The following ZNG1B variants were observed in gnomAD, a reference collection of about 807,000 sequenced individuals.
ZNG1B encodes Zn regulated GTPase metalloprotein activator 1B, also known as zinc-regulated GTPase metalloprotein activator 1B.
At chr2:113,438,163 T>G in the ZNG1B span, 2 of 1,555,394 alleles carry the variant, frequency 1.3e-6, no homozygotes, top group Non-Finnish European at 1.8e-6. Context: ...GGTCACTTGC[T>G]TCTCGTATGG....
chr2:113,473,776 T>G, the ZNG1B span, among the ~76,000 whole-genome samples: 1 of 148,456 alleles, frequency 6.7e-6, no homozygotes, highest in Admixed American at 6.8e-5. Context: ...TCTGTTTATA[T>G]GCTGGATTAC....
the ZNG1B span, chr2:113,465,687 C>T: frequency 1.1e-6 from 1 of 924,324 alleles, no homozygotes; most frequent in Non-Finnish European, 1.3e-6. Context: ...TTCTGTTTTC[C>T]ATTGAATGTT....
the ZNG1B span, chr2:113,469,270 G>A: frequency 6.6e-6 from 1 of 151,930 alleles, no homozygotes. Flanking sequence ...CACCCTCCGG[G>A]TAGCTGGGAT....
the ZNG1B span, among the ~76,000 whole-genome samples, chr2:113,488,233 G>A: frequency 3.3e-5 from 5 of 152,200 alleles, no homozygotes; most frequent in Non-Finnish European, 5.9e-5. Flanking sequence ...GAGCCTGGTA[G>A]ACTTGCTGGG....
the ZNG1B span, among the ~76,000 whole-genome samples, chr2:113,444,798 G>T: frequency 6.6e-6 from 1 of 151,976 alleles, no homozygotes; most frequent in African/African-American, 2.4e-5. Flanking sequence ...TTTCTCACTG[G>T]TAAATATGGG....
chr2:113,471,463 T>C, the ZNG1B span, among the ~76,000 whole-genome samples: 1 of 142,412 alleles, frequency 7.0e-6, no homozygotes, highest in Non-Finnish European at 1.5e-5. Context: ...TATTTTTTCT[T>C]GAGTTTTTTT....
the ZNG1B span, among the ~76,000 whole-genome samples, chr2:113,492,409 G>A: frequency 6.5e-5 from 7 of 107,064 alleles, no homozygotes; most frequent in African/African-American, 2.4e-4. Context: ...ACCAAACATC[G>A]CTATGTTCTC....
chr2:113,439,329 C>T, the ZNG1B span, among the ~76,000 whole-genome samples: 17 of 151,978 alleles, frequency 1.1e-4, no homozygotes, highest in African/African-American at 3.6e-4. Flanking sequence ...CCTCCTTCCC[C>T]CTTTGTCCAT....
the ZNG1B span, among the ~76,000 whole-genome samples, chr2:113,486,282 C>T: frequency 1.5e-5 from 2 of 129,192 alleles, no homozygotes; most frequent in Non-Finnish European, 3.2e-5. Context: ...GTTTTTCTAA[C>T]GTGAAAAGAG....
At chr2:113,450,063 C>CT in the ZNG1B span, among the ~76,000 whole-genome samples, 43 of 136,550 alleles carry the variant, frequency 3.1e-4, no homozygotes, top group African/African-American at 4.3e-4. Flanking sequence ...CTTGAAGGCA[C>CT]TTTTTTTTTT....
chr2:113,490,471 A>G, the ZNG1B span, among the ~76,000 whole-genome samples: 9 of 152,010 alleles, frequency 5.9e-5, no homozygotes, highest in East Asian at 5.8e-4. Flanking sequence ...AGCAGAAGAA[A>G]GAAGACCAGA....
chr2:113,443,118 G>A, the ZNG1B span, among the ~76,000 whole-genome samples: 9 of 151,930 alleles, frequency 5.9e-5, no homozygotes, highest in South Asian at 6.2e-4. Flanking sequence ...ACAGGCGCCC[G>A]CTACCACACC....
the ZNG1B span, among the ~76,000 whole-genome samples, chr2:113,471,358 G>A: frequency 6.6e-6 from 1 of 152,052 alleles, no homozygotes; most frequent in Non-Finnish European, 1.5e-5. Context: ...ACTATATCTA[G>A]TACTCTTTCT....
the ZNG1B span, chr2:113,495,233 T>C: frequency 1.7e-5 from 25 of 1,511,876 alleles, 5 homozygotes; most frequent in Non-Finnish European, 2.0e-5. Flanking sequence ...AGAGAACAAA[T>C]CGATTGGTCC....
chr2:113,440,136 G>T, the ZNG1B span, among the ~76,000 whole-genome samples: 1 of 151,488 alleles, frequency 6.6e-6, no homozygotes, highest in Non-Finnish European at 1.5e-5. Flanking sequence ...CGCCCGCCTC[G>T]GCCTCCCAAA....
the ZNG1B span, among the ~76,000 whole-genome samples, chr2:113,465,403 G>GT: frequency 1.3e-5 from 2 of 152,112 alleles, no homozygotes; most frequent in Non-Finnish European, 2.9e-5. Flanking sequence ...TGATAACACT[G>GT]TGTAAGTGTT....
chr2:113,465,958 G>C, the ZNG1B span: 1 of 984,882 alleles, frequency 1.0e-6, no homozygotes, highest in East Asian at 1.1e-4. Flanking sequence ...ACTGCCATAA[G>C]TATTAGGCAG....
the ZNG1B span, among the ~76,000 whole-genome samples, chr2:113,471,762 G>T: frequency 6.6e-6 from 1 of 151,386 alleles, no homozygotes; most frequent in African/African-American, 2.4e-5. Flanking sequence ...GATAGTTTAT[G>T]GAGAATGATG....
the ZNG1B span, chr2:113,447,808 TTTCTTATGAGA>T: frequency 2.3e-6 from 1 of 431,600 alleles, no homozygotes; most frequent in African/African-American, 2.0e-5. Context: ...TAGTTAAAGT[TTTCTTATGAGA>T]TTGCAGGAAT....
Sources: gnomAD v4.1 joint callset for allele counts (sites outside exome capture counted in the v4.1 genomes callset) on GRCh38, gnomAD v4.1.1 for gene constraint, MANE v1.5 for transcripts, NCBI Gene and HGNC (gene_info 2026-07-23, HGNC 2026-07-21) for gene names.